The following MRPS6 variants were observed in gnomAD, a reference collection of about 807,000 sequenced individuals.
MRPS6 encodes small ribosomal subunit protein bS6m.
MRPS6 carries 6 observed loss-of-function variants against 13.1 expected under a neutral mutation model. The observed-to-expected ratio is 0.46, with a 90% CI of 0.25 to 0.91. The LOEUF is 0.91. MRPS6 is among the 40% of genes least tolerant of loss of function. The probability of loss-of-function intolerance (pLI) is 0.18; values close to 1 mark genes in which losing one functional copy is unlikely to be tolerated. For synonymous variants in MRPS6, 61 were observed against 56.5 expected, an observed-to-expected ratio of 1.08 and a Z score of -0.36; for missense variants, 164 against 155.6, an observed-to-expected ratio of 1.05 and a Z score of -0.29.
intron 2 of MRPS6, among the ~76,000 whole-genome samples, chr21:34,126,151 A>C (rs1159719556): frequency 6.6e-6 from 1 of 151,936 alleles, no homozygotes; most frequent in Non-Finnish European, 1.5e-5. Context: ...AAAGTCCAAG[A>C]GTAGAAGAGT....
intron 2 of MRPS6, among the ~76,000 whole-genome samples, chr21:34,133,816 C>T (rs2123268095): frequency 6.6e-6 from 1 of 152,294 alleles, no homozygotes; most frequent in East Asian, 1.9e-4. Flanking sequence ...GAGGCGGGAG[C>T]TCAGAGAAAA....
chr21:34,086,167 A>G (rs1357015955), intron 1 of MRPS6, among the ~76,000 whole-genome samples: 1 of 152,062 alleles, frequency 6.6e-6, no homozygotes, highest in Non-Finnish European at 1.5e-5. Context: ...ATTCCAGGTA[A>G]TTTCTGTAGA....
intron 1 of MRPS6, among the ~76,000 whole-genome samples, chr21:34,090,565 G>A (rs1415998092): frequency 2.0e-5 from 3 of 152,168 alleles, no homozygotes; most frequent in East Asian, 3.9e-4. Flanking sequence ...AATAACTTGG[G>A]AAAATCCTAA....
intron 1 of MRPS6, among the ~76,000 whole-genome samples, chr21:34,081,055 A>G (rs1487745589): frequency 4.6e-5 from 7 of 152,196 alleles, no homozygotes; most frequent in Admixed American, 4.6e-4. Flanking sequence ...CTTTGGGAAG[A>G]CTTGATAAAA....
At chr21:34,099,860 T>G (rs149683736) in intron 1 of MRPS6, 17 of 434,706 alleles carry the variant, frequency 3.9e-5, no homozygotes, top group African/African-American at 6.4e-5. Context: ...AAGCTTGTCT[T>G]TCTTATTGCT....
Position 34,110,380 on chromosome 21 carries a change from C to T in MRPS6, c.46-14961C>T, listed in dbSNP as rs146578106. On this transcript the variant is annotated intron_variant, in intron 1 of 2. Coordinates refer to ENST00000399312, the MANE Select transcript of MRPS6 (RefSeq NM_032476.4). The stretch of plus-strand genomic sequence containing the variant: ...TCAAGAGGCCAGCTACTCAAGAGGC[C>T]GAGGCAGAAGGATTGCTTGAGCCTG... 6.4e-3 allele frequency among the ~76,000 whole-genome samples: 970 copies of T among 152,060 alleles called. 15 individuals carry two copies. The highest frequency in any genetic ancestry group is 0.022 in the African/African-American group (915 of 41,466).
intron 1 of MRPS6, chr21:34,097,661 T>TA (rs1445618023): frequency 9.4e-7 from 1 of 1,068,006 alleles, no homozygotes; most frequent in Non-Finnish European, 1.1e-6. Context: ...TATGTTAAGT[T>TA]ACCATGAATT....
At chr21:34,082,023 C>T (rs1157245027) in intron 1 of MRPS6, among the ~76,000 whole-genome samples, 5 of 151,206 alleles carry the variant, frequency 3.3e-5, no homozygotes, top group Non-Finnish European at 5.9e-5. Flanking sequence ...TTCCTCCTAC[C>T]AGCCAGAAAT....
intron 1 of MRPS6, chr21:34,123,078 A>G (rs1408710805): frequency 2.6e-5 from 4 of 152,230 alleles, no homozygotes; most frequent in Admixed American, 2.6e-4. Flanking sequence ...TTGGTTAAAT[A>G]TATAAACAAC....
At chr21:34,105,127 G>A in intron 1 of MRPS6, 2 of 1,000,170 alleles carry the variant, frequency 2.0e-6, no homozygotes, top group South Asian at 4.7e-5. Flanking sequence ...AGTGTCAGAT[G>A]ATGGTATGGA....
At chr21:34,076,124 T>G (rs1989324545) in intron 1 of MRPS6, among the ~76,000 whole-genome samples, 1 of 152,198 alleles carries the variant, frequency 6.6e-6, no homozygotes, top group Non-Finnish European at 1.5e-5. Flanking sequence ...AAATGCTGTG[T>G]TAGGCAACTT....
At chr21:34,132,961 G>A (rs977791429) in intron 2 of MRPS6, among the ~76,000 whole-genome samples, 2 of 152,066 alleles carry the variant, frequency 1.3e-5, no homozygotes, top group African/African-American at 2.4e-5. Context: ...TAAATTGTAC[G>A]ACTCAAAGGA....
chr21:34,131,198 T>G (rs2834384), intron 2 of MRPS6, among the ~76,000 whole-genome samples: 112,850 of 152,180 alleles, frequency 0.74, 43,048 homozygotes, highest in African/African-American at 0.93. Context: ...GCATGTCTAG[T>G]CAGTTGCAAT....
At chr21:34,074,452 C>T (rs992614759) in intron 1 of MRPS6, among the ~76,000 whole-genome samples, 5 of 152,240 alleles carry the variant, frequency 3.3e-5, no homozygotes, top group Non-Finnish European at 5.9e-5. Context: ...ACACTTTCTT[C>T]CCCCTGCTTT....
intron 1 of MRPS6, among the ~76,000 whole-genome samples, chr21:34,089,490 A>G (rs1978570692): frequency 6.6e-6 from 1 of 152,124 alleles, no homozygotes; most frequent in Admixed American, 6.5e-5. Flanking sequence ...TTTCTATAAA[A>G]AAATTCATGA....
At chr21:34,134,239 T>C (rs1980607614) in intron 2 of MRPS6, among the ~76,000 whole-genome samples, 1 of 152,236 alleles carries the variant, frequency 6.6e-6, no homozygotes, top group Admixed American at 6.5e-5. Flanking sequence ...AATTAAACCT[T>C]GGAAAATGTG....
intron 1 of MRPS6, among the ~76,000 whole-genome samples, chr21:34,117,588 C>G (rs989527935): frequency 1.3e-5 from 2 of 152,180 alleles, no homozygotes; most frequent in African/African-American, 4.8e-5. Context: ...TGGAGATGGG[C>G]TTCCTAGCGA....
intron 1 of MRPS6, among the ~76,000 whole-genome samples, chr21:34,090,037 C>G (rs1569415091): frequency 6.6e-6 from 1 of 152,104 alleles, no homozygotes; most frequent in Non-Finnish European, 1.5e-5. Context: ...CCAAAATGCT[C>G]CAGTGAGCAT....
At chr21:34,088,554 C>T (rs1047536040) in intron 1 of MRPS6, among the ~76,000 whole-genome samples, 2 of 152,352 alleles carry the variant, frequency 1.3e-5, no homozygotes, top group Admixed American at 6.5e-5. Flanking sequence ...TCAAGCACAA[C>T]TTTTTAAACA....
Sources: gnomAD v4.1 joint callset for allele counts (sites outside exome capture counted in the v4.1 genomes callset) on GRCh38, gnomAD v4.1.1 for gene constraint, MANE v1.5 for transcripts, NCBI Gene and HGNC (gene_info 2026-07-23, HGNC 2026-07-21) for gene names.